The following NFKB1 variants were observed in gnomAD, a reference collection of about 807,000 sequenced individuals.
The protein encoded by NFKB1 is nuclear factor NF-kappa-B p105 subunit.
In NFKB1, 9 loss-of-function variants were observed where a neutral mutation model predicts 105.1. The observed-to-expected ratio is 0.09, with a 90% CI of 0.05 to 0.15. The LOEUF (loss-of-function observed/expected upper bound fraction) is 0.15. Ranked by LOEUF, NFKB1 falls within the 10% of genes least tolerant of loss-of-function variation. The pLI is 1.00. For missense variants in NFKB1, 830 were observed against 1,203.7 expected, an observed-to-expected ratio of 0.69 and a Z score of 4.59; for synonymous variants, 440 against 442.2, an observed-to-expected ratio of 1.00 and a Z score of 0.06.
At chr4:102,536,274 A>G (rs531267911) in intron 4 of NFKB1, among the ~76,000 whole-genome samples, 1 of 152,306 alleles carries the variant, frequency 6.6e-6, no homozygotes, top group Non-Finnish European at 1.5e-5. Flanking sequence ...AAACAAAGGA[A>G]TTACCTCTGA....
At position 102,529,821 on chromosome 4, in the gene NFKB1, T is replaced by C. The variant is rs1225280314; in HGVS notation, c.40-15T>C. On this transcript the variant is annotated splice_polypyrimidine_tract_variant and intron_variant, in intron 2 of 23. Coordinates refer to ENST00000226574, the MANE Select transcript of NFKB1 (RefSeq NM_003998.4). ...AAAAATAATGATTGAAACATTTAAA[T>C]GTTCTTCTTTACAGATGTTTCATTT... 3.9e-6 allele frequency: 6 copies of C among 1,542,102 alleles called. No individual in the cohort carries two copies. The highest frequency in any genetic ancestry group is 5.3e-6 in the Non-Finnish European group (6 of 1,123,074).
At chr4:102,574,855 A>G (rs553310395) in intron 6 of NFKB1, among the ~76,000 whole-genome samples, 1 of 152,320 alleles carries the variant, frequency 6.6e-6, no homozygotes, top group Admixed American at 6.5e-5. Flanking sequence ...TATTCACATA[A>G]TAAATTAATA....
intron 19 of NFKB1, among the ~76,000 whole-genome samples, chr4:102,609,023 T>C (rs1728104664): frequency 6.6e-6 from 1 of 151,978 alleles, no homozygotes; most frequent in African/African-American, 2.4e-5. Context: ...CATGGTGGCA[T>C]GCGCCTATAG....
chr4:102,511,697 A>G (rs1739793149), intron 1 of NFKB1, among the ~76,000 whole-genome samples: 1 of 152,220 alleles, frequency 6.6e-6, no homozygotes, highest in Non-Finnish European at 1.5e-5. Flanking sequence ...AAAAATAGAA[A>G]GAGAAACTTT....
chr4:102,566,906 A>G (rs996675916), intron 5 of NFKB1, 81 bp from the exon 6 acceptor site: 2 of 1,444,014 alleles, frequency 1.4e-6, no homozygotes, highest in Non-Finnish European at 1.9e-6. Flanking sequence ...TACTTTTTAT[A>G]CTTACTGGCT....
chr4:102,550,311 A>G (rs1226445103), intron 5 of NFKB1, among the ~76,000 whole-genome samples: 1 of 151,758 alleles, frequency 6.6e-6, no homozygotes, highest in Non-Finnish European at 1.5e-5. Flanking sequence ...TACCTTCACT[A>G]CCCCAGTCCA....
At chr4:102,530,638 G>C (rs993473577) in intron 3 of NFKB1, among the ~76,000 whole-genome samples, 3 of 151,838 alleles carry the variant, frequency 2.0e-5, no homozygotes, top group African/African-American at 7.2e-5. Flanking sequence ...GTGTAAAACA[G>C]AGTTTGGTAA....
intron 6 of NFKB1, among the ~76,000 whole-genome samples, chr4:102,571,828 G>A (rs561232729): frequency 2.4e-4 from 36 of 151,984 alleles, no homozygotes; most frequent in African/African-American, 6.5e-4. Flanking sequence ...TTAAAAAGTC[G>A]AAACAACAGG....
At chr4:102,574,808 G>C (rs1168259739) in intron 6 of NFKB1, among the ~76,000 whole-genome samples, 5 of 152,098 alleles carry the variant, frequency 3.3e-5, no homozygotes, top group Non-Finnish European at 5.9e-5. Flanking sequence ...ACTGACTTCT[G>C]TACTGTTTCA....
At chr4:102,565,386 A>G (rs1417989330) in intron 5 of NFKB1, among the ~76,000 whole-genome samples, 1 of 151,978 alleles carries the variant, frequency 6.6e-6, no homozygotes, top group Non-Finnish European at 1.5e-5. Flanking sequence ...GACGAGTGAA[A>G]CTTCTCTCCC....
chr4:102,526,950 A>ATATATG (rs541323850), intron 2 of NFKB1, among the ~76,000 whole-genome samples: 94 of 152,094 alleles, frequency 6.2e-4, no homozygotes, highest in Admixed American at 4.7e-3. Flanking sequence ...GTATATATGT[A>ATATATG]TATATGTATA....
intron 4 of NFKB1, among the ~76,000 whole-genome samples, chr4:102,537,131 C>A (rs557820904): frequency 1.4e-4 from 22 of 152,070 alleles, no homozygotes; most frequent in Non-Finnish European, 2.9e-4. Context: ...TGTTTATCAG[C>A]CCACAGTAGT....
At chr4:102,609,581 C>A (rs957804681) in intron 19 of NFKB1, among the ~76,000 whole-genome samples, 1 of 138,234 alleles carries the variant, frequency 7.2e-6, no homozygotes, top group Non-Finnish European at 1.5e-5. Context: ...CATTGCACTC[C>A]AGCCTGGGCA....
intron 19 of NFKB1, among the ~76,000 whole-genome samples, chr4:102,609,181 G>T (rs1425529051): frequency 2.7e-5 from 3 of 112,168 alleles, no homozygotes; most frequent in East Asian, 3.0e-4. Context: ...GAAAAAGAAA[G>T]AAACTATAAC....
intron 5 of NFKB1, among the ~76,000 whole-genome samples, chr4:102,566,554 G>T (rs530062607): frequency 2.0e-5 from 3 of 152,236 alleles, no homozygotes; most frequent in East Asian, 1.9e-4. Context: ...CTGCTTACCT[G>T]CCTTCTTCCT....
chr4:102,533,206 G>C (rs1205020311), intron 3 of NFKB1, among the ~76,000 whole-genome samples: 1 of 152,120 alleles, frequency 6.6e-6, no homozygotes, highest in African/African-American at 2.4e-5. Flanking sequence ...TGATAGACCA[G>C]ATTACATTGG....
chr4:102,609,680 AATTGTTC>A (rs1728216649), intron 19 of NFKB1, among the ~76,000 whole-genome samples: 1 of 151,884 alleles, frequency 6.6e-6, no homozygotes, highest in Non-Finnish European at 1.5e-5. Flanking sequence ...TGGTCCTGTA[AATTGTTC>A]ATCTTAATTT....
At chr4:102,578,808 G>T (rs749116819) in intron 7 of NFKB1, 73 bp from the exon 8 acceptor site, 116 of 1,487,258 alleles carry the variant, frequency 7.8e-5, no homozygotes, top group Non-Finnish European at 1.0e-4. Context: ...CATTATTTGG[G>T]CTTTATAAAA....
At chr4:102,544,292 C>T (rs1721961545) in intron 5 of NFKB1, among the ~76,000 whole-genome samples, 1 of 151,942 alleles carries the variant, frequency 6.6e-6, no homozygotes, top group African/African-American at 2.4e-5. Flanking sequence ...TTTATTCTTG[C>T]ATTTTTAATC....
Sources: gnomAD v4.1 joint callset for allele counts (sites outside exome capture counted in the v4.1 genomes callset) on GRCh38, gnomAD v4.1.1 for gene constraint, MANE v1.5 for transcripts, NCBI Gene and HGNC (gene_info 2026-07-23, HGNC 2026-07-21) for gene names.